Variants in UBQLN1 observed in about 807,000 individuals in gnomAD.
The protein encoded by UBQLN1 is ubiquilin 1.
UBQLN1 carries 13 observed loss-of-function variants against 65.4 expected under a neutral mutation model. The ratio of observed to expected loss-of-function variants is 0.20; its 90% CI spans 0.13 to 0.32. The LOEUF is 0.32. Among genes scored for constraint, UBQLN1 ranks in the 10% least tolerant of loss-of-function variants. The pLI, the probability that UBQLN1 is intolerant of heterozygous loss-of-function variation, is 1.00. For missense variants in UBQLN1, 561 were observed against 724.0 expected (o/e 0.77, Z 2.58); for synonymous variants, 267 against 247.8 (o/e 1.08, Z -0.73).
chr9:83,675,930 A>AT (rs76923905), intron 6 of UBQLN1, among the ~76,000 whole-genome samples: 40,506 of 151,990 alleles, frequency 0.27, 6,607 homozygotes, highest in East Asian at 0.8. Context: ...AATATTACCA[A>AT]TTTTTTTATT....
Position 83,661,748 on chromosome 9 carries a change from C to A in UBQLN1, c.*39G>T. ...TATTTTAAAGTTTAAGAGCCGTTAT[C>A]AAAAATAAATTACATTTTTTCAAGA... On this transcript the variant is annotated 3_prime_UTR_variant, in exon 11 of 11. Coordinates refer to ENST00000376395, the MANE Select transcript of UBQLN1 (RefSeq NM_013438.5). 6.4e-7 allele frequency: 1 copy of A among 1,561,790 alleles called. No individual in the cohort carries two copies. Among genetic ancestry groups the A allele is most frequent in the Non-Finnish European group, 8.7e-7 (1 of 1,154,716 alleles).
At position 83,669,169 on chromosome 9, in the gene UBQLN1, A is replaced by C; in HGVS notation, c.1248+16T>G. 6.3e-7 allele frequency: 1 copy of C among 1,596,888 alleles called. No individual in the cohort carries two copies. The highest frequency in any genetic ancestry group is 8.5e-7 in the Non-Finnish European group (1 of 1,176,540). On this transcript the variant is annotated intron_variant, in intron 7 of 10. Coordinates refer to ENST00000376395, the MANE Select transcript of UBQLN1 (RefSeq NM_013438.5). ...TTCACACTGCACAGTCTTTTTCAAT[A>C]CAATTACAAACTCACCTGTGCAGCA...
In UBQLN1 at chr9:83,678,697, G is replaced by C. The variant is rs988609077; in HGVS notation, c.712-98C>G. On this transcript the variant is annotated intron_variant, in intron 4 of 10. Transcript: ENST00000376395. ...TTAACTGCCATTAAACAAAGTTTAT[G>C]GGAGGCCACTGTTTTGTTTTGTTTT... 8.8e-6 allele frequency: 11 copies of C among 1,250,786 alleles called. No homozygotes were observed. The African/African-American group carries it at 1.7e-4, about 19-fold the overall frequency. 77.5% of individuals were successfully genotyped at this position (1,250,786 alleles called of 1,614,324 possible). A position where few individuals can be genotyped will look rare whatever the true frequency, so the allele number is the denominator to read the frequency against.
intron 1 of UBQLN1, among the ~76,000 whole-genome samples, chr9:83,696,275 A>G (rs2131182077): frequency 6.6e-6 from 1 of 152,328 alleles, no homozygotes; most frequent in East Asian, 1.9e-4. Flanking sequence ...TAATATATCT[A>G]TCACCTCTCT....
chr9:83,706,431 C>T (rs569160525), intron 1 of UBQLN1, among the ~76,000 whole-genome samples: 65 of 152,308 alleles, frequency 4.3e-4, no homozygotes, highest in African/African-American at 1.5e-3. Flanking sequence ...AAGTTTCTCT[C>T]ATTTGATGTT....
intron 7 of UBQLN1, chr9:83,667,426 G>A (rs4877791): frequency 0.24 from 209,827 of 875,560 alleles, 27,960 homozygotes; most frequent in East Asian, 0.8. Context: ...GTAAATGCTG[G>A]TAGAGAAAAT....
rs1587669855 is a variant in UBQLN1 at position 83,707,754 on chromosome 9, C to A, written c.-75G>T. 1 of 1,477,648 alleles carries A rather than the reference C, an allele frequency of 6.8e-7. No homozygotes were observed. Among genetic ancestry groups the A allele is most frequent in the South Asian group, 1.3e-5 (1 of 76,712 alleles). 91.5% of individuals were successfully genotyped at this position (1,477,648 alleles called of 1,614,324 possible). On this transcript the variant is annotated 5_prime_UTR_variant, in exon 1 of 11. Coordinates refer to ENST00000376395, the MANE Select transcript of UBQLN1 (RefSeq NM_013438.5). ...GCGAGCAAGGAGGAGCCAGCAGACA[C>A]CAGAGCCGGCAGGCCTGGACAGCGA...
At position 83,693,940 on chromosome 9, in the gene UBQLN1, G is replaced by A. The variant is rs531014559; in HGVS notation, c.181-7785C>T. ...CTGATGGGAGAATTAAGAGACATAC[G>A]GAAATTTCCTGGGCACAATTCATTC... On this transcript the variant is annotated intron_variant, in intron 1 of 10. Coordinates refer to ENST00000376395, the MANE Select transcript of UBQLN1 (RefSeq NM_013438.5). Among the ~76,000 whole-genome samples the A allele has an allele frequency of 1.4e-4, 21 of 152,246 alleles. No homozygotes were observed. In the South Asian group the frequency reaches 2.7e-3, roughly 20 times the overall value.
rs1485219600 is a variant in UBQLN1, at chr9:83,678,482, T to C, written c.829A>G (p.Thr277Ala). 2 of 1,613,924 alleles carry C rather than the reference T, an allele frequency of 1.2e-6. No individual in the cohort carries two copies. The highest frequency in any genetic ancestry group is 2.7e-5 in the African/African-American group (2 of 74,924). The change falls in exon 5 of 11, where the codon ACA becomes GCA. Residue 277 changes from threonine to alanine, a missense_variant. By Grantham distance (58) the Thr-to-Ala change is moderately conservative. Coordinates refer to ENST00000376395, the MANE Select transcript of UBQLN1 (RefSeq NM_013438.5). ...CTCAGCATTGGTTCCTGAATATCTG[T>C]GTACATGCGCCTTAAAGCATTATAT... ...GGYNALRRMYTDIQEPMLSAA... is the reference protein window; with the variant it reads ...GGYNALRRMYADIQEPMLSAA...
intron 7 of UBQLN1, chr9:83,667,211 T>C (rs1831657023): frequency 6.6e-6 from 1 of 152,298 alleles, no homozygotes; most frequent in Non-Finnish European, 1.5e-5. Context: ...TGATGTCATA[T>C]ACCTGAAAAT....
chr9:83,701,476 C>T (rs192207697), intron 1 of UBQLN1, among the ~76,000 whole-genome samples: 122 of 152,280 alleles, frequency 8.0e-4, no homozygotes, highest in African/African-American at 2.8e-3. Context: ...GTACCCTTAA[C>T]AGGGTATGGG....
intron 7 of UBQLN1, 127 bp downstream of exon 7, chr9:83,669,058 C>T: frequency 3.6e-6 from 4 of 1,118,008 alleles, no homozygotes; most frequent in Non-Finnish European, 4.8e-6. Context: ...ATTGGAGACA[C>T]AGTTTACTTA....
chr9:83,699,423 C>A (rs375392282), intron 1 of UBQLN1, among the ~76,000 whole-genome samples: 1 of 152,272 alleles, frequency 6.6e-6, no homozygotes, highest in East Asian at 1.9e-4. Flanking sequence ...CTCAGTGTAA[C>A]CTCCAAACTC....
chr9:83,694,754 C>T (rs1257644364), intron 1 of UBQLN1, among the ~76,000 whole-genome samples: 1 of 152,052 alleles, frequency 6.6e-6, no homozygotes, highest in Admixed American at 6.5e-5. Flanking sequence ...GGGAAAGAAA[C>T]CAATATAAGT....
intron 1 of UBQLN1, among the ~76,000 whole-genome samples, chr9:83,687,470 A>G (rs1257654820): frequency 1.3e-5 from 2 of 152,206 alleles, no homozygotes. Flanking sequence ...ACATCTTCAA[A>G]CCACTCTACC....
At chr9:83,695,690 T>G (rs1832200236) in intron 1 of UBQLN1, among the ~76,000 whole-genome samples, 5 of 152,220 alleles carry the variant, frequency 3.3e-5, no homozygotes, top group Admixed American at 1.3e-4. Context: ...CCAGGCAGAC[T>G]GTTGCCATAT....
intron 7 of UBQLN1, chr9:83,667,942 G>A: frequency 1.0e-6 from 1 of 984,646 alleles, no homozygotes; most frequent in East Asian, 1.1e-4. Context: ...TAGTATGTGA[G>A]TGCTCAAGTC....
chr9:83,706,314 T>A (rs1410682057), intron 1 of UBQLN1, among the ~76,000 whole-genome samples: 3 of 152,232 alleles, frequency 2.0e-5, no homozygotes, highest in Non-Finnish European at 4.4e-5. Context: ...TGTATCCACT[T>A]CCCAATTCTT....
chr9:83,661,531 T>G lies in UBQLN1; in HGVS notation c.*256A>C. 1 of 327,572 alleles carries G rather than the reference T, an allele frequency of 3.1e-6. No homozygotes were observed. Among genetic ancestry groups the G allele is most frequent in the Non-Finnish European group, 5.5e-6 (1 of 181,626 alleles). The allele number at this position is 327,572 out of a possible 1,614,324, so 20.3% of individuals were successfully genotyped here. ...AGGACAAAATCTGGTCACCCAACTA[T>G]AAAAGGTGATGTTTTTAAAAAATTA... On this transcript the variant is annotated 3_prime_UTR_variant, in exon 11 of 11. Coordinates refer to ENST00000376395, the MANE Select transcript of UBQLN1 (RefSeq NM_013438.5).
Sources: allele counts gnomAD v4.1 joint callset (sites outside exome capture counted in the v4.1 genomes callset), GRCh38; gene constraint gnomAD v4.1.1; transcripts MANE v1.5; gene names NCBI Gene and HGNC (gene_info 2026-07-23, HGNC 2026-07-21).